CEP250: variants seen among roughly 807,000 people sequenced by gnomAD.
CEP250 encodes centrosome-associated protein CEP250.
In CEP250, 242 loss-of-function variants were observed where a neutral mutation model predicts 315.7. The observed-to-expected ratio is 0.77, with a 90% CI of 0.69 to 0.85. The LOEUF is 0.85. Among genes scored for constraint, CEP250 ranks in the 40% least tolerant of loss-of-function variants. CEP250 has a pLI of 0.00. For missense variants in CEP250, 2,515 were observed against 2,886.4 expected, an observed-to-expected ratio of 0.87 and a Z score of 2.95; for synonymous variants, 1,088 against 1,175.0, an observed-to-expected ratio of 0.93 and a Z score of 1.51.
intron 20 of CEP250, among the ~76,000 whole-genome samples, chr20:35,482,013 TGAAA>T (rs2063358870): frequency 6.6e-6 from 1 of 152,042 alleles, no homozygotes; most frequent in Admixed American, 6.6e-5. Flanking sequence ...CTTTTATTCT[TGAAA>T]GATAGTTTCT....
chr20:35,505,060 C>T (rs2064147847), intron 30 of CEP250, 55 bp downstream of exon 30: 4 of 1,457,860 alleles, frequency 2.7e-6, no homozygotes, highest in Non-Finnish European at 3.7e-6. Context: ...TCTGGCTGAG[C>T]TCAGGGACTG....
rs1411227925 is a variant in CEP250 at position 35,491,916 on chromosome 20, AAAG to A, written c.2889+571_2889+573del. On this transcript the variant is annotated intron_variant, in intron 22 of 34. Transcript: ENST00000397527. ...GTCTCAAAAAAAAAAAAAAAAAAAA[AAAG>A]GTGTGGCACAGCAGTCAGCATAACA... Among the ~76,000 whole-genome samples, 3 of 151,762 alleles carry A rather than the reference AAAG, an allele frequency of 2.0e-5. No homozygotes were observed. The East Asian group carries it at 5.8e-4, about 29-fold the overall frequency.
Position 35,479,241 on chromosome 20 carries a change from A to C in CEP250, c.2105A>C (p.Gln702Pro). The C allele has an allele frequency of 1.2e-6, 2 of 1,613,878 alleles. No homozygotes were observed. The highest frequency in any genetic ancestry group is 1.7e-6 in the Non-Finnish European group (2 of 1,179,822). Residue 702 changes from glutamine (Q) to proline (P), a missense_variant, in exon 18 of 35, where the codon CAG becomes CCG. Physicochemically the swap from Gln to Pro is moderately conservative, Grantham distance 76 (BLOSUM62 -1). Transcript: ENST00000397527. ...IQKKLSESRH[Q>P]QEAATTQLEQ... Reference sequence around the variant, plus strand: ...CATTCTTCCCCTCAGTCACGTCACCAGCAGGAGGCAGCCACGACTCAGCTG... The same window carrying C: ...CATTCTTCCCCTCAGTCACGTCACCCGCAGGAGGCAGCCACGACTCAGCTG...
chr20:35,497,664 C>A, intron 25 of CEP250, 55 bp from the exon 26 acceptor site: 1 of 1,310,916 alleles, frequency 7.6e-7, no homozygotes, highest in Non-Finnish European at 1.0e-6. Context: ...CTGGGAAGGC[C>A]TGAGGAGAGG....
At chr20:35,467,179 G>GGGGGGCGGCCC in intron 8 of CEP250, 107 bp downstream of exon 8, 1 of 534,912 alleles carries the variant, frequency 1.9e-6, no homozygotes, top group Non-Finnish European at 3.5e-6. Context: ...GGTGGGTGGG[G>GGGGGGCGGCCC]GAGTTGGTAG....
chr20:35,495,351 G>T (rs1388703835), intron 24 of CEP250, among the ~76,000 whole-genome samples: 6 of 152,192 alleles, frequency 3.9e-5, no homozygotes, highest in Non-Finnish European at 8.8e-5. Flanking sequence ...CAGGGAAATT[G>T]ATACAATCCA....
At chr20:35,498,500 G>A in intron 26 of CEP250, 95 bp from the exon 27 acceptor site, 1 of 1,467,500 alleles carries the variant, frequency 6.8e-7, no homozygotes, top group Non-Finnish European at 9.2e-7. Flanking sequence ...GCGGAGAGGA[G>A]GGACCAGTTG....
chr20:35,511,559 G>A lies in CEP250; in HGVS notation c.7262G>A (p.Ser2421Asn). The part of the protein sequence containing the change: ...TRRLDESLTQ[S>N]LTSPGPVLLH... ...AGGCTGGATGAGTCCCTGACTCAAA[G>A]TCTGACATCCCCAGGGCCAGTCCTG... The change falls in exon 35 of 35, where the codon AGT (serine) becomes AAT (asparagine). Residue 2421 changes from serine to asparagine, a missense_variant. By Grantham distance (46) the Ser-to-Asn change is conservative (BLOSUM62 1). Coordinates refer to ENST00000397527, the MANE Select transcript of CEP250 (RefSeq NM_007186.6). 6.2e-7 allele frequency: 1 copy of A among 1,613,994 alleles called. No individual in the cohort carries two copies. The highest frequency in any genetic ancestry group is 1.1e-5 in the South Asian group (1 of 91,076).
At chr20:35,485,646 T>C (rs1475490024) in intron 20 of CEP250, among the ~76,000 whole-genome samples, 1 of 29,882 alleles carries the variant, frequency 3.3e-5, no homozygotes, top group South Asian at 1.1e-3. Context: ...TCTGCCTGGC[T>C]TTTTTTTTTT....
intron 34 of CEP250, among the ~76,000 whole-genome samples, chr20:35,510,406 CAG>C (rs1029175885): frequency 5.3e-5 from 8 of 152,314 alleles, no homozygotes; most frequent in African/African-American, 1.9e-4. Flanking sequence ...GTGCCCCAGA[CAG>C]AGGAGCCAGG....
Position 35,516,972 on chromosome 20 carries a change from T to TG in CEP250, c.*5347dup, listed in dbSNP as rs958617824. The TG allele has an allele frequency of 2.0e-6, 2 of 985,444 alleles. No homozygotes were observed. Among genetic ancestry groups the TG allele is most frequent in the African/African-American group, 1.7e-5 (1 of 57,246 alleles). The allele number at this position is 985,444 out of a possible 1,614,324, so 61.0% of individuals were successfully genotyped here. ...ACCCCCCCATTGAAGGCTACATTCT[T>TG]GTCCCACAGGGCAGAGCACATGGCA... On this transcript the variant is annotated 3_prime_UTR_variant, in exon 35 of 35. Transcript: ENST00000397527.
rs2064451105 is a variant in CEP250, at chr20:35,518,091, C to T, written c.*6465C>T. ...TTAAATAAAAAGAAGATAGCAGTTT[C>T]CCACCTCATTCTTCTCAAACTCCTC... On this transcript the variant is annotated 3_prime_UTR_variant, in exon 35 of 35. Coordinates refer to ENST00000397527, the MANE Select transcript of CEP250 (RefSeq NM_007186.6). 1 of 149,570 alleles carries T rather than the reference C, an allele frequency of 6.7e-6. No homozygotes were observed. Among genetic ancestry groups the T allele is most frequent in the Non-Finnish European group, 1.5e-5 (1 of 67,532 alleles). 9.3% of individuals were successfully genotyped at this position (149,570 alleles called of 1,614,324 possible). A position where few individuals can be genotyped will look rare whatever the true frequency, so the allele number is the denominator to read the frequency against.
rs2063059863 is a variant in CEP250, at chr20:35,472,843, C to T, written c.1209+12C>T. ...GCCAGGCTGTGCAGGTAGGAACCCTCAGCATTCCACCTCAGTCACAGGGGT... is the reference window on the plus strand; with the variant it reads ...GCCAGGCTGTGCAGGTAGGAACCCTTAGCATTCCACCTCAGTCACAGGGGT... On this transcript the variant is annotated intron_variant, in intron 12 of 34. Transcript: ENST00000397527. The T allele has an allele frequency of 2.5e-6, 4 of 1,613,684 alleles. No individual in the cohort carries two copies. In the East Asian group the frequency reaches 8.9e-5, roughly 36 times the overall value.
rs369255096 is a variant in CEP250 at position 35,472,110 on chromosome 20, G to C, written c.1009G>C (p.Glu337Gln). Residue 337 changes from glutamate to glutamine, a missense_variant, in exon 11 of 35, where the codon GAG (glutamate) becomes CAG (glutamine). Glu to Gln is a conservative substitution (Grantham distance 29). Transcript: ENST00000397527. ...EASLSRNAQEEKLSLQQVIKD... is the reference protein window; with the variant it reads ...EASLSRNAQEQKLSLQQVIKD... ...ATCTCTTAGTAGGAATGCGCAAGAGGAGAAGTTGTCTTTACAGCAGGTGAT... is the reference window on the plus strand; with the variant it reads ...ATCTCTTAGTAGGAATGCGCAAGAGCAGAAGTTGTCTTTACAGCAGGTGAT... The C allele has an allele frequency of 9.3e-6, 15 of 1,613,424 alleles. No individual in the cohort carries two copies. In the African/African-American group the frequency reaches 2.0e-4, roughly 22 times the overall value.
intron 4 of CEP250, among the ~76,000 whole-genome samples, chr20:35,462,913 C>T (rs1438106633): frequency 6.6e-6 from 1 of 152,108 alleles, no homozygotes; most frequent in African/African-American, 2.4e-5. Context: ...AGGTGTACAC[C>T]ACCACTTTTG....
At chr20:35,507,188 C>A (rs2064210629) in intron 30 of CEP250, among the ~76,000 whole-genome samples, 1 of 152,212 alleles carries the variant, frequency 6.6e-6, no homozygotes, top group South Asian at 2.1e-4. Flanking sequence ...CTCTTCTTGA[C>A]TGTTATCATT....
At chr20:35,482,967 T>C (rs778154022) in intron 20 of CEP250, among the ~76,000 whole-genome samples, 2 of 152,240 alleles carry the variant, frequency 1.3e-5, no homozygotes, top group Non-Finnish European at 2.9e-5. Flanking sequence ...TCTTATATAT[T>C]ATCTCTTCAA....
At chr20:35,509,091 C>A in intron 33 of CEP250, 47 bp downstream of exon 33, 1 of 1,464,646 alleles carries the variant, frequency 6.8e-7, no homozygotes, top group Non-Finnish European at 9.3e-7. Context: ...CCAACCCCAG[C>A]CACCAGAAAC....
chr20:35,484,919 T>G (rs1490010899), intron 20 of CEP250, among the ~76,000 whole-genome samples: 1 of 152,202 alleles, frequency 6.6e-6, no homozygotes, highest in Non-Finnish European at 1.5e-5. Context: ...AATTTTCGCA[T>G]GTCACAAAAC....
Sources: gnomAD v4.1 joint callset for allele counts (sites outside exome capture counted in the v4.1 genomes callset) on GRCh38, gnomAD v4.1.1 for gene constraint, MANE v1.5 for transcripts, NCBI Gene and HGNC (gene_info 2026-07-23, HGNC 2026-07-21) for gene names.